Variants in SNTB1 observed in about 807,000 individuals in gnomAD.
SNTB1 encodes the protein syntrophin beta 1.
In SNTB1, 36 loss-of-function variants were observed where a neutral mutation model predicts 48.9. That is an observed-to-expected ratio of 0.74 (90% CI 0.56 to 0.97). The LOEUF is 0.97. SNTB1 is among the 50% of genes least tolerant of loss of function. The pLI, the probability that SNTB1 is intolerant of heterozygous loss-of-function variation, is 0.00. For synonymous variants in SNTB1, 299 were observed against 294.6 expected, an observed-to-expected ratio of 1.01 and a Z score of -0.15; for missense variants, 786 against 703.4, an observed-to-expected ratio of 1.12 and a Z score of -1.33.
At chr8:120,597,779 T>C (rs1434850963) in intron 3 of SNTB1, among the ~76,000 whole-genome samples, 4 of 152,234 alleles carry the variant, frequency 2.6e-5, no homozygotes, top group Non-Finnish European at 5.9e-5. Flanking sequence ...CCTGGCAGCA[T>C]CAGGACACAG....
At chr8:120,746,596 T>C (rs539987967) in intron 1 of SNTB1, among the ~76,000 whole-genome samples, 2 of 152,326 alleles carry the variant, frequency 1.3e-5, no homozygotes, top group South Asian at 4.1e-4. Context: ...CTACCCCAGC[T>C]TTAGCTTTTC....
At chr8:120,596,026 T>A (rs1816316588) in intron 3 of SNTB1, among the ~76,000 whole-genome samples, 1 of 152,186 alleles carries the variant, frequency 6.6e-6, no homozygotes, top group Non-Finnish European at 1.5e-5. Context: ...TGCATGTGTT[T>A]CTGTGTGTGT....
At chr8:120,733,793 A>G (rs1818892850) in intron 1 of SNTB1, among the ~76,000 whole-genome samples, 1 of 152,248 alleles carries the variant, frequency 6.6e-6, no homozygotes, top group South Asian at 2.1e-4. Flanking sequence ...TCCAAGATCC[A>G]GTAATAACTA....
Position 120,575,228 on chromosome 8 carries a change from G to A in SNTB1, c.997-3C>T. ...TGTTTCTTGCTCTCCCCTGGCACCTGAAAAAGAAAGCAGAGAACTGTCAAA... is the reference window on the plus strand; with the variant it reads ...TGTTTCTTGCTCTCCCCTGGCACCTAAAAAAGAAAGCAGAGAACTGTCAAA... On this transcript the variant is annotated splice_region_variant and splice_polypyrimidine_tract_variant and intron_variant, in intron 3 of 6. Transcript: ENST00000517992. The A allele has an allele frequency of 6.2e-7, 1 of 1,614,010 alleles. No individual in the cohort carries two copies. Among genetic ancestry groups the A allele is most frequent in the Non-Finnish European group, 8.5e-7 (1 of 1,179,956 alleles).
intron 2 of SNTB1, among the ~76,000 whole-genome samples, chr8:120,670,118 C>G (rs963624044): frequency 6.6e-5 from 10 of 152,132 alleles, no homozygotes; most frequent in African/African-American, 2.4e-4. Flanking sequence ...TTGTTGAGCA[C>G]CTATTATGTG....
intron 6 of SNTB1, among the ~76,000 whole-genome samples, chr8:120,539,260 C>A (rs1484461024): frequency 6.6e-6 from 1 of 150,778 alleles, no homozygotes; most frequent in Non-Finnish European, 1.5e-5. Flanking sequence ...ATTTTTGGTA[C>A]CACAATAGTG....
intron 3 of SNTB1, among the ~76,000 whole-genome samples, chr8:120,602,895 A>C (rs1415155279): frequency 6.6e-6 from 1 of 151,870 alleles, no homozygotes; most frequent in East Asian, 1.9e-4. Flanking sequence ...TTAAACTTTT[A>C]AAAAGCGTTT....
intron 3 of SNTB1, among the ~76,000 whole-genome samples, chr8:120,611,355 G>GC (rs1816619092): frequency 6.6e-6 from 1 of 151,852 alleles, no homozygotes. Flanking sequence ...AGAAGCTCTG[G>GC]AAAAAAAATC....
intron 1 of SNTB1, among the ~76,000 whole-genome samples, chr8:120,789,424 G>GA (rs967704384): frequency 4.6e-5 from 7 of 150,860 alleles, no homozygotes; most frequent in African/African-American, 1.5e-4. Context: ...GAAACCAAAA[G>GA]AAAAAAAATC....
At chr8:120,630,707 T>A (rs1382849980) in intron 3 of SNTB1, among the ~76,000 whole-genome samples, 1 of 152,202 alleles carries the variant, frequency 6.6e-6, no homozygotes, top group African/African-American at 2.4e-5. Context: ...ACCTGATTTT[T>A]TCCATTAGAG....
intron 1 of SNTB1, among the ~76,000 whole-genome samples, chr8:120,737,305 A>G (rs1454900381): frequency 6.6e-6 from 1 of 152,166 alleles, no homozygotes; most frequent in African/African-American, 2.4e-5. Context: ...GCACTAAATA[A>G]ATTATATACA....
At chr8:120,590,501 T>C (rs1816221240) in intron 3 of SNTB1, among the ~76,000 whole-genome samples, 1 of 151,996 alleles carries the variant, frequency 6.6e-6, no homozygotes, top group Non-Finnish European at 1.5e-5. Flanking sequence ...CAAGAATGTG[T>C]GTTGTAAAAG....
chr8:120,748,637 A>T (rs1313613884), intron 1 of SNTB1, among the ~76,000 whole-genome samples: 3 of 152,242 alleles, frequency 2.0e-5, no homozygotes, highest in African/African-American at 7.2e-5. Flanking sequence ...TGAACCTTCA[A>T]GGCAGATAAT....
intron 1 of SNTB1, among the ~76,000 whole-genome samples, chr8:120,716,714 A>G (rs1272169552): frequency 6.6e-6 from 1 of 152,206 alleles, no homozygotes; most frequent in African/African-American, 2.4e-5. Flanking sequence ...CAGAGGAACT[A>G]AGCATCACAC....
intron 5 of SNTB1, among the ~76,000 whole-genome samples, chr8:120,544,306 TG>T (rs1433157039): frequency 6.6e-6 from 1 of 152,220 alleles, no homozygotes; most frequent in African/African-American, 2.4e-5. Context: ...AAATAGTATT[TG>T]GGGTATTTGT....
chr8:120,611,067 G>A (rs1460931056), intron 3 of SNTB1, among the ~76,000 whole-genome samples: 4 of 152,194 alleles, frequency 2.6e-5, no homozygotes. Flanking sequence ...GGTTCTGTGG[G>A]TCTTGACCTC....
intron 1 of SNTB1, among the ~76,000 whole-genome samples, chr8:120,738,742 G>A (rs957863750): frequency 1.3e-5 from 2 of 152,098 alleles, no homozygotes. Flanking sequence ...AAATTGCAAA[G>A]CACACTACAA....
At position 120,806,807 on chromosome 8, in the gene SNTB1, A is replaced by G. The variant is rs958140331; in HGVS notation, c.571+4466T>C. On this transcript the variant is annotated intron_variant, in intron 1 of 6. Transcript: ENST00000517992. The stretch of plus-strand genomic sequence containing the variant: ...ATCCCAGGGTATTGGGTATTCTTCA[A>G]GAATCTGTACATCCTAAATAAAATA... Among the ~76,000 whole-genome samples the G allele has an allele frequency of 2.0e-5, 3 of 152,238 alleles. No individual in the cohort carries two copies. In the East Asian group the frequency reaches 5.8e-4, roughly 29 times the overall value.
intron 2 of SNTB1, among the ~76,000 whole-genome samples, chr8:120,649,233 G>C (rs1251293363): frequency 6.6e-6 from 1 of 151,820 alleles, no homozygotes; most frequent in Non-Finnish European, 1.5e-5. Flanking sequence ...CTTGGAGGAG[G>C]AGAGGCGCTC....
Sources: allele counts gnomAD v4.1 joint callset (sites outside exome capture counted in the v4.1 genomes callset), GRCh38; gene constraint gnomAD v4.1.1; transcripts MANE v1.5; gene names NCBI Gene and HGNC (gene_info 2026-07-23, HGNC 2026-07-21).